The following TMEM242 variants were observed in gnomAD, a reference collection of about 807,000 sequenced individuals.
The protein encoded by TMEM242 is transmembrane protein 242, also known as UPF0463 transmembrane protein C6orf35.
Under a neutral mutation model 18.2 loss-of-function variants are expected in TMEM242, and 10 were observed. The ratio of observed to expected loss-of-function variants is 0.55; its 90% CI spans 0.34 to 0.93. The LOEUF is 0.93. TMEM242 is among the 40% of genes least tolerant of loss of function. TMEM242 has a pLI of 0.02. For missense variants in TMEM242, 186 were observed against 175.5 expected (o/e 1.06, Z -0.34); for synonymous variants, 57 against 69.9 (o/e 0.81, Z 0.92).
chr6:157,310,970 C>A (rs1554248531), intron 3 of TMEM242, among the ~76,000 whole-genome samples: 1 of 143,734 alleles, frequency 7.0e-6, no homozygotes, highest in Non-Finnish European at 1.5e-5. Flanking sequence ...CTGGCCTCAT[C>A]ATAGTGTCCC....
intron 3 of TMEM242, chr6:157,299,631 A>T (rs1777799977): frequency 1.2e-6 from 2 of 1,606,412 alleles, no homozygotes; most frequent in African/African-American, 2.7e-5. Context: ...AGGGGGCTGT[A>T]CTGGACAATA....
intron 3 of TMEM242, among the ~76,000 whole-genome samples, chr6:157,313,035 TC>T (rs1778236406): frequency 2.9e-4 from 1 of 3,392 alleles, no homozygotes; most frequent in Non-Finnish European, 7.3e-4. Flanking sequence ...CATCATAGTG[TC>T]CCAGTGTGCA....
intron 2 of TMEM242, 50 bp from the exon 3 acceptor site, chr6:157,318,969 T>C (rs370788894): frequency 6.5e-7 from 1 of 1,529,752 alleles, no homozygotes; most frequent in Non-Finnish European, 8.8e-7. Context: ...GCAGAAAGAA[T>C]AAGCATTCTG....
At chr6:157,300,114 C>G in intron 3 of TMEM242, 1 of 638,310 alleles carries the variant, frequency 1.6e-6, no homozygotes, top group Non-Finnish European at 2.8e-6. Flanking sequence ...ACAACAGACA[C>G]AGTCCAACTC....
chr6:157,298,530 T>C (rs1464361182), intron 3 of TMEM242, among the ~76,000 whole-genome samples: 1 of 152,168 alleles, frequency 6.6e-6, no homozygotes, highest in Non-Finnish European at 1.5e-5. Context: ...GCAGCTGCAG[T>C]CCCCACTTCA....
chr6:157,289,389 T>G lies in TMEM242; in HGVS notation c.*3512A>C, dbSNP rs1429208019. ...ATAACACCAAGAGAGACCCAAATAC[T>G]TGCTATATCATTTAATGACTCTTGG... is the stretch of plus-strand genomic sequence containing the variant. On this transcript the variant is annotated 3_prime_UTR_variant, in exon 4 of 4. Transcript: ENST00000400788. 1.3e-5 allele frequency: 2 copies of G among 152,212 alleles called. No homozygotes were observed. Among genetic ancestry groups the G allele is most frequent in the Non-Finnish European group, 2.9e-5 (2 of 68,032 alleles). 9.4% of individuals were successfully genotyped at this position (152,212 alleles called of 1,614,324 possible). A position where few individuals can be genotyped will look rare whatever the true frequency, so the allele number is the denominator to read the frequency against.
At chr6:157,295,113 A>G (rs1777734692) in intron 3 of TMEM242, among the ~76,000 whole-genome samples, 1 of 152,254 alleles carries the variant, frequency 6.6e-6, no homozygotes, top group Non-Finnish European at 1.5e-5. Flanking sequence ...TGTTAAGTAC[A>G]TTACTTTATA....
intron 3 of TMEM242, among the ~76,000 whole-genome samples, chr6:157,300,432 A>T (rs1554247444): frequency 1.3e-5 from 2 of 152,394 alleles, no homozygotes; most frequent in African/African-American, 4.8e-5. Context: ...CCCCGGAATT[A>T]CTAGTTTTCT....
Position 157,318,963 on chromosome 6 carries a change from A to G in TMEM242, c.190-44T>C, listed in dbSNP as rs782640704. On this transcript the variant is annotated intron_variant, in intron 2 of 3. Transcript: ENST00000400788. ...GTTGAGGTAAAAACAATCAGTGCAGAAAGAATAAGCATTCTGGGGGTGTTT... is the reference window on the plus strand; with the variant it reads ...GTTGAGGTAAAAACAATCAGTGCAGGAAGAATAAGCATTCTGGGGGTGTTT... 5.2e-6 allele frequency: 8 copies of G among 1,550,542 alleles called. No homozygotes were observed. The African/African-American group carries it at 1.1e-4, about 21-fold the overall frequency.
At position 157,289,642 on chromosome 6, in the gene TMEM242, T is replaced by C. The variant is rs1777657294; in HGVS notation, c.*3259A>G. On this transcript the variant is annotated 3_prime_UTR_variant, in exon 4 of 4. Coordinates refer to ENST00000400788, the MANE Select transcript of TMEM242 (RefSeq NM_018452.6). ...AGATTAAATGTTGCCCCAAGTGAAA[T>C]AGCTAAATTCAATGGATTTTAATTA... is the stretch of plus-strand genomic sequence containing the variant. The C allele has an allele frequency of 6.6e-6, 1 of 152,220 alleles. No individual in the cohort carries two copies. Among genetic ancestry groups the C allele is most frequent in the African/African-American group, 2.4e-5 (1 of 41,540 alleles). The allele number at this position is 152,220 out of a possible 1,614,324, so 9.4% of individuals were successfully genotyped here. A position where few individuals can be genotyped will look rare whatever the true frequency, so the allele number is the denominator to read the frequency against.
chr6:157,307,698 G>A (rs1777934584), intron 3 of TMEM242, among the ~76,000 whole-genome samples: 1 of 152,156 alleles, frequency 6.6e-6, no homozygotes, highest in Non-Finnish European at 1.5e-5. Flanking sequence ...ATTCACTGAT[G>A]TGCAGTGCTA....
At chr6:157,310,823 C>T (rs62425561) in intron 3 of TMEM242, among the ~76,000 whole-genome samples, 1 of 143,838 alleles carries the variant, frequency 7.0e-6, no homozygotes, top group South Asian at 2.2e-4. Context: ...TGTGCACTCA[C>T]CCGGCCTCAT....
At chr6:157,318,737 C>T in intron 3 of TMEM242, 45 bp downstream of exon 3, 1 of 1,606,866 alleles carries the variant, frequency 6.2e-7, no homozygotes, top group Non-Finnish European at 8.5e-7. Context: ...ACACAGTAAG[C>T]AGAATAAACA....
chr6:157,311,503 G>T (rs62425569), intron 3 of TMEM242, among the ~76,000 whole-genome samples: 714 of 4,728 alleles, frequency 0.15, 2 homozygotes, highest in East Asian at 0.21. Flanking sequence ...CCTAGCCTCA[G>T]CATAGTGCCC....
chr6:157,313,495 AG>A (rs1562386384), intron 3 of TMEM242, among the ~76,000 whole-genome samples: 5 of 69,772 alleles, frequency 7.2e-5, no homozygotes, highest in Non-Finnish European at 1.1e-4. Context: ...GCACTCACCT[AG>A]ACTCATCATA....
intron 3 of TMEM242, chr6:157,300,193 A>T: frequency 2.1e-6 from 1 of 476,320 alleles, no homozygotes; most frequent in Non-Finnish European, 3.9e-6. Flanking sequence ...TCGCAACGCC[A>T]AGAGAGCCAT....
At chr6:157,301,295 C>T (rs1407569124) in intron 3 of TMEM242, among the ~76,000 whole-genome samples, 2 of 151,776 alleles carry the variant, frequency 1.3e-5, no homozygotes, top group African/African-American at 2.4e-5. Context: ...AAAATGAATA[C>T]TTTATATTTG....
At chr6:157,295,050 T>C (rs1447419211) in intron 3 of TMEM242, among the ~76,000 whole-genome samples, 1 of 152,270 alleles carries the variant, frequency 6.6e-6, no homozygotes. Flanking sequence ...TCGACATATG[T>C]GTGCTATATT....
chr6:157,319,033 T>C (rs1434675957), intron 2 of TMEM242, 114 bp from the exon 3 acceptor site: 4 of 1,122,444 alleles, frequency 3.6e-6, no homozygotes, highest in Non-Finnish European at 4.8e-6. Flanking sequence ...GGAAGCTAAA[T>C]CAACCCAAGG....
Sources: gnomAD v4.1 joint callset for allele counts (sites outside exome capture counted in the v4.1 genomes callset) on GRCh38, gnomAD v4.1.1 for gene constraint, MANE v1.5 for transcripts, NCBI Gene and HGNC (gene_info 2026-07-23, HGNC 2026-07-21) for gene names.